Variants in ECSIT observed in about 807,000 individuals in gnomAD.
The protein encoded by ECSIT is ECSIT signaling integrator.
A neutral mutation model predicts 36.8 loss-of-function variants in ECSIT; 29 were observed. The ratio of observed to expected loss-of-function variants is 0.79; its 90% CI spans 0.59 to 1.08. The LOEUF is 1.08. Ranked by LOEUF, ECSIT falls within the 50% of genes least tolerant of loss-of-function variation. The pLI is 0.00. For synonymous variants in ECSIT, 231 were observed against 234.8 expected (o/e 0.98, Z 0.15); for missense variants, 542 against 581.0 (o/e 0.93, Z 0.69).
chr19:11,518,241 A>G (rs1319213720), intron 2 of ECSIT, among the ~76,000 whole-genome samples: 1 of 152,062 alleles, frequency 6.6e-6, no homozygotes, highest in African/African-American at 2.4e-5. Flanking sequence ...AGCCTCGCCA[A>G]CATGGCAAAA....
rs988694269 is a variant in ECSIT at position 11,519,134 on chromosome 19, G to A, written c.37C>T (p.Leu13Phe). The A allele has an allele frequency of 7.1e-6, 11 of 1,550,624 alleles. No individual in the cohort carries two copies. In the African/African-American group the frequency reaches 8.2e-5, roughly 12 times the overall value. Reference protein sequence around the residue: ...WVQATLLARGLCRAWGGTCGA... With the variant: ...WVQATLLARGFCRAWGGTCGA... ...CAGGTGCCTCCCCAGGCCCTACAGA[G>A]GCCTCGGGCCAGTAGGGTGGCCTGG... is the stretch of plus-strand genomic sequence containing the variant. Residue 13 changes from leucine to phenylalanine, a missense_variant, in exon 2 of 8, where the codon CTC (leucine) becomes TTC (phenylalanine). Transcript: ENST00000270517. This position sits in a 1 kb window ranked among gnomAD's most constrained non-coding sequence, Gnocchi z 4.4.
At chr19:11,526,007 C>T (rs1434559441) in intron 1 of ECSIT, among the ~76,000 whole-genome samples, 1 of 151,798 alleles carries the variant, frequency 6.6e-6, no homozygotes, top group Non-Finnish European at 1.5e-5. Context: ...CTCTGTCGCC[C>T]AGGCTGGAGT....
intron 4 of ECSIT, among the ~76,000 whole-genome samples, chr19:11,511,177 C>G (rs972103303): frequency 2.0e-5 from 3 of 152,188 alleles, no homozygotes; most frequent in African/African-American, 7.2e-5. Context: ...TGTCCAGGAC[C>G]ACATGACAAG....
chr19:11,522,618 G>A (rs1972129208), intron 1 of ECSIT: 1 of 545,240 alleles, frequency 1.8e-6, no homozygotes, highest in African/African-American at 1.9e-5. Context: ...GGAGGCTGAG[G>A]TGGGAGAATT....
chr19:11,509,379 G>GTT (rs113545500), intron 4 of ECSIT, among the ~76,000 whole-genome samples: 7,374 of 145,104 alleles, frequency 0.051, 327 homozygotes, highest in African/African-American at 0.12. Context: ...CGCTGACAAA[G>GTT]TTTTTTTTTT....
At chr19:11,508,469 T>C (rs2144967134) in intron 4 of ECSIT, among the ~76,000 whole-genome samples, 1 of 151,000 alleles carries the variant, frequency 6.6e-6, no homozygotes, top group Non-Finnish European at 1.5e-5. Flanking sequence ...CACTGTAGCC[T>C]TGAACTCCTG....
At chr19:11,509,525 T>C (rs1971827385) in intron 4 of ECSIT, among the ~76,000 whole-genome samples, 1 of 150,958 alleles carries the variant, frequency 6.6e-6, no homozygotes, top group African/African-American at 2.4e-5. Context: ...CCCAGCACTT[T>C]GGGAGGCCGA....
chr19:11,525,220 T>C (rs2145004214), intron 1 of ECSIT, among the ~76,000 whole-genome samples: 1 of 150,620 alleles, frequency 6.6e-6, no homozygotes, highest in Non-Finnish European at 1.5e-5. Context: ...TTAATTTAAA[T>C]TTTCAGGGCC....
At chr19:11,507,282 CTT>C (rs60161140) in intron 7 of ECSIT, among the ~76,000 whole-genome samples, 173 bp downstream of exon 7, 113 of 133,322 alleles carry the variant, frequency 8.5e-4, no homozygotes, top group Middle Eastern at 3.8e-3. Flanking sequence ...AGGTTTTTGC[CTT>C]TTTTTTTTTT....
intron 1 of ECSIT, chr19:11,523,618 G>A: frequency 1.1e-6 from 1 of 900,288 alleles, no homozygotes; most frequent in Non-Finnish European, 1.8e-6. Flanking sequence ...GCCTATGTAT[G>A]TCAAGCTGGT....
chr19:11,519,654 T>C lies in ECSIT; in HGVS notation c.-23-461A>G, dbSNP rs1225417159. On this transcript the variant is annotated intron_variant, in intron 1 of 7. Transcript: ENST00000270517. The surrounding 1 kb of genome is among the most constrained non-coding windows in gnomAD (Gnocchi z 4.4). ...GCCACTACAATCTAATTTTACAAAA[T>C]CTGTGTCACTCCAACAAGAATCCCT... 6.6e-6 allele frequency among the ~76,000 whole-genome samples: 1 copy of C among 151,894 alleles called. No individual in the cohort carries two copies. Among genetic ancestry groups the C allele is most frequent in the East Asian group, 1.9e-4 (1 of 5,168 alleles).
intron 1 of ECSIT, among the ~76,000 whole-genome samples, chr19:11,522,985 G>A (rs1403102344): frequency 4.0e-5 from 6 of 151,200 alleles, no homozygotes; most frequent in African/African-American, 1.2e-4. Flanking sequence ...GCAGGAGAAT[G>A]GTGTGAACCC....
rs766475717 is a variant in ECSIT at position 11,508,032 on chromosome 19, T to G, written c.755A>C (p.Asp252Ala). ...VTIYQVPLPK[D>A]STGAADPPQP... ...GGGGGGATCTGCTGCACCTGTTGAGTCTTTGGGCAAAGGAACCTGCAAGGG... is the reference window on the plus strand; with the variant it reads ...GGGGGGATCTGCTGCACCTGTTGAGGCTTTGGGCAAAGGAACCTGCAAGGG... The change falls in exon 5 of 8, where the codon GAC (aspartate) becomes GCC (alanine). Residue 252 changes from aspartate to alanine, a missense_variant. Physicochemically the swap from Asp to Ala is moderately radical, Grantham distance 126 (BLOSUM62 -2). Transcript: ENST00000270517. The G allele has an allele frequency of 4.3e-6, 7 of 1,614,048 alleles. No homozygotes were observed. The highest frequency in any genetic ancestry group is 5.9e-6 in the Non-Finnish European group (7 of 1,180,026).
chr19:11,506,190 C>A lies in ECSIT; in HGVS notation c.1290G>T (p.Gln430His). 1 of 1,605,234 alleles carries A rather than the reference C, an allele frequency of 6.2e-7. No homozygotes were observed. Among genetic ancestry groups the A allele is most frequent in the South Asian group, 1.1e-5 (1 of 91,060 alleles). Residue 430 changes from glutamine (Q) to histidine (H), a missense_variant, in exon 8 of 8, where the codon CAG becomes CAT. By Grantham distance (24) the Gln-to-His change is conservative. Coordinates refer to ENST00000270517, the MANE Select transcript of ECSIT (RefSeq NM_016581.5). ...GCCCTCGCGCCGGCTCAGACTAGCT[C>A]TGGCCCTGCTGCTGTCGCTGCAGGT... ...DDNLQRQQQG[Q>H]S
chr19:11,508,104 T>C (rs1971795412), intron 4 of ECSIT, 56 bp from the exon 5 acceptor site: 1 of 1,600,876 alleles, frequency 6.2e-7, no homozygotes. Flanking sequence ...ACAGAGGAAC[T>C]GGGGACAGAG....
chr19:11,521,564 C>T (rs945282913), intron 1 of ECSIT, among the ~76,000 whole-genome samples: 1 of 149,950 alleles, frequency 6.7e-6, no homozygotes, highest in African/African-American at 2.5e-5. Context: ...GCCAGGAGTT[C>T]GAGAGCAGCC....
At chr19:11,513,725 A>T in intron 3 of ECSIT, 79 bp downstream of exon 3, 1 of 1,515,174 alleles carries the variant, frequency 6.6e-7, no homozygotes. Context: ...TGGAGGAAGG[A>T]GGGGCTGAGA....
At chr19:11,514,530 G>A (rs1158061055) in intron 2 of ECSIT, among the ~76,000 whole-genome samples, 1 of 147,140 alleles carries the variant, frequency 6.8e-6, no homozygotes, top group African/African-American at 2.5e-5. Flanking sequence ...TTTTTTTTTT[G>A]GTTTTTTTTT....
chr19:11,521,262 CAT>C (rs771705592), intron 1 of ECSIT, among the ~76,000 whole-genome samples: 3 of 152,146 alleles, frequency 2.0e-5, no homozygotes, highest in Non-Finnish European at 4.4e-5. Context: ...TATGTGAACA[CAT>C]GTTTATACTT....
Sources: allele counts gnomAD v4.1 joint callset (sites outside exome capture counted in the v4.1 genomes callset), GRCh38; gene constraint gnomAD v4.1.1; non-coding constraint Gnocchi (gnomAD v3.1); transcripts MANE v1.5; gene names NCBI Gene and HGNC (gene_info 2026-07-23, HGNC 2026-07-21).